Variants in HMBOX1 observed in about 807,000 individuals in gnomAD.
HMBOX1 encodes homeobox-containing protein 1.
Under a neutral mutation model 54.5 loss-of-function variants are expected in HMBOX1, and 14 were observed. That is an observed-to-expected ratio of 0.26 (90% CI 0.17 to 0.40). The LOEUF is 0.40. HMBOX1 is among the 10% of genes least tolerant of loss of function. HMBOX1 has a pLI of 1.00. For synonymous variants in HMBOX1, 160 were observed against 181.0 expected (o/e 0.88, Z 0.93); for missense variants, 332 against 514.4 (o/e 0.65, Z 3.43).
chr8:29,001,848 A>G (rs1586397813), intron 4 of HMBOX1, among the ~76,000 whole-genome samples: 1 of 152,254 alleles, frequency 6.6e-6, no homozygotes. Flanking sequence ...CTTTAAATCT[A>G]TAACCATGAG....
At chr8:28,937,200 T>A (rs1005142056) in intron 1 of HMBOX1, among the ~76,000 whole-genome samples, 6 of 152,230 alleles carry the variant, frequency 3.9e-5, no homozygotes, top group African/African-American at 1.4e-4. Flanking sequence ...TCTGTACAGA[T>A]GTCCTAAATC....
chr8:28,902,770 G>T (rs1813474625), intron 1 of HMBOX1, among the ~76,000 whole-genome samples: 1 of 90,038 alleles, frequency 1.1e-5, no homozygotes, highest in Admixed American at 1.4e-4. Flanking sequence ...CAGTCATGCA[G>T]GCCTGCCTGT....
intron 9 of HMBOX1, chr8:29,049,443 G>A: frequency 3.3e-6 from 5 of 1,505,912 alleles, no homozygotes; most frequent in Non-Finnish European, 4.4e-6. Context: ...GAAATACTAG[G>A]GGCAGCTGGA....
intron 1 of HMBOX1, among the ~76,000 whole-genome samples, chr8:28,949,479 G>A (rs1027911703): frequency 2.0e-5 from 3 of 152,190 alleles, no homozygotes; most frequent in Non-Finnish European, 4.4e-5. Context: ...ATTTTGGCTT[G>A]CAGTGGATAC....
At chr8:29,040,307 G>T (rs769377717) in intron 6 of HMBOX1, among the ~76,000 whole-genome samples, 7 of 152,102 alleles carry the variant, frequency 4.6e-5, no homozygotes, top group Admixed American at 1.3e-4. Context: ...GCATAGTCAT[G>T]TAATACATAG....
At chr8:29,012,311 G>A (rs562379345) in intron 5 of HMBOX1, among the ~76,000 whole-genome samples, 1 of 152,294 alleles carries the variant, frequency 6.6e-6, no homozygotes, top group East Asian at 1.9e-4. Flanking sequence ...TAGGACAGCA[G>A]ATCCTTCATT....
intron 4 of HMBOX1, among the ~76,000 whole-genome samples, chr8:28,981,768 G>A (rs765140791): frequency 5.9e-5 from 9 of 151,934 alleles, no homozygotes; most frequent in Non-Finnish European, 1.2e-4. Context: ...AGCATTTCTT[G>A]AGCATATCTA....
At chr8:28,927,533 G>A (rs1253549338) in intron 1 of HMBOX1, among the ~76,000 whole-genome samples, 1 of 151,878 alleles carries the variant, frequency 6.6e-6, no homozygotes. Flanking sequence ...GTAGGAGGAG[G>A]AGGAAAAAGA....
In HMBOX1 at chr8:28,944,374, C is replaced by G. The variant is rs536964288; in HGVS notation, c.-57-19437C>G. Among the ~76,000 whole-genome samples, 5 of 152,262 alleles carry G rather than the reference C, an allele frequency of 3.3e-5. No homozygotes were observed. The East Asian group carries it at 5.8e-4, about 18-fold the overall frequency. On this transcript the variant is annotated intron_variant, in intron 1 of 9. Coordinates refer to ENST00000287701, the MANE Select transcript of HMBOX1 (RefSeq NM_001135726.3). ...TTCATGATCTCTACCAAGATTCTTT[C>G]TAGAGTCTGGTCATTATTTGAAGGA...
intron 1 of HMBOX1, among the ~76,000 whole-genome samples, chr8:28,900,269 A>ATATATATATAT (rs1422463025): frequency 0.036 from 2,438 of 68,070 alleles, 28 homozygotes; most frequent in Middle Eastern, 0.047. Flanking sequence ...AAAAAAAAAA[A>ATATATATATAT]AAATATATAT....
intron 6 of HMBOX1, among the ~76,000 whole-genome samples, chr8:29,021,638 G>A (rs1377965056): frequency 2.6e-5 from 4 of 151,954 alleles, no homozygotes; most frequent in East Asian, 3.9e-4. Context: ...GGCGGATCAC[G>A]AGGCCAGGAG....
At chr8:29,003,014 C>CA (rs1307637999) in intron 4 of HMBOX1, among the ~76,000 whole-genome samples, 1 of 151,464 alleles carries the variant, frequency 6.6e-6, no homozygotes, top group Non-Finnish European at 1.5e-5. Context: ...TTGTAATATT[C>CA]AGTAATGGTG....
At chr8:28,900,268 AAAAAT>A (rs1255538790) in intron 1 of HMBOX1, among the ~76,000 whole-genome samples, 31 of 78,076 alleles carry the variant, frequency 4.0e-4, no homozygotes, top group African/African-American at 1.1e-3. Flanking sequence ...AAAAAAAAAA[AAAAAT>A]ATATATATAT....
chr8:28,907,233 C>T (rs932948795), intron 1 of HMBOX1, among the ~76,000 whole-genome samples: 20 of 152,174 alleles, frequency 1.3e-4, no homozygotes, highest in African/African-American at 4.8e-4. Context: ...ATGTATATTT[C>T]TTGAAAGGAC....
intron 5 of HMBOX1, among the ~76,000 whole-genome samples, chr8:29,016,730 C>G (rs1443192157): frequency 6.6e-6 from 1 of 152,222 alleles, no homozygotes; most frequent in East Asian, 1.9e-4. Context: ...GCCTGTTGGT[C>G]AGAGACATCA....
intron 4 of HMBOX1, among the ~76,000 whole-genome samples, chr8:28,987,431 C>T (rs1339354361): frequency 1.3e-5 from 2 of 152,088 alleles, no homozygotes; most frequent in South Asian, 2.1e-4. Flanking sequence ...GTAAGAAAGT[C>T]ACAAGGTATC....
At chr8:28,997,308 C>T (rs1832010474) in intron 4 of HMBOX1, among the ~76,000 whole-genome samples, 1 of 152,054 alleles carries the variant, frequency 6.6e-6, no homozygotes, top group African/African-American at 2.4e-5. Context: ...TATTTTATAT[C>T]ATGAAAGACT....
At chr8:28,947,629 G>A (rs996424896) in intron 1 of HMBOX1, among the ~76,000 whole-genome samples, 7 of 152,176 alleles carry the variant, frequency 4.6e-5, no homozygotes, top group Admixed American at 2.0e-4. Context: ...AAATTCTACC[G>A]TTAGCAATTC....
At chr8:28,950,985 A>G (rs1823306560) in intron 1 of HMBOX1, among the ~76,000 whole-genome samples, 1 of 152,176 alleles carries the variant, frequency 6.6e-6, no homozygotes, top group Non-Finnish European at 1.5e-5. Context: ...TTTTCTGATT[A>G]CCTGTATTTA....
Sources: gnomAD v4.1 joint callset for allele counts (sites outside exome capture counted in the v4.1 genomes callset) on GRCh38, gnomAD v4.1.1 for gene constraint, MANE v1.5 for transcripts, NCBI Gene and HGNC (gene_info 2026-07-23, HGNC 2026-07-21) for gene names.